PRKCH: variants seen among roughly 807,000 people sequenced by gnomAD.
The protein encoded by PRKCH is protein kinase C eta.
Under a neutral mutation model 82.5 loss-of-function variants are expected in PRKCH, and 28 were observed. The observed-to-expected ratio is 0.34, with a 90% confidence interval of 0.25 to 0.47. The LOEUF (loss-of-function observed/expected upper bound fraction) is 0.47, where lower values mean the gene tolerates loss of function less well. Ranked by LOEUF, PRKCH falls within the 20% of genes least tolerant of loss-of-function variation. The pLI is 1.00. For synonymous variants in PRKCH, 322 were observed against 327.4 expected, an observed-to-expected ratio of 0.98 and a Z score of 0.18; for missense variants, 705 against 881.8, an observed-to-expected ratio of 0.80 and a Z score of 2.54.
At chr14:61,490,176 G>A (rs55719604) in intron 10 of PRKCH, among the ~76,000 whole-genome samples, 1,945 of 152,104 alleles carry the variant, frequency 0.013, 46 homozygotes, top group African/African-American at 0.045. Flanking sequence ...GTGGTATTTC[G>A]CCATCCCATT....
chr14:61,395,490 CA>C, intron 2 of PRKCH, among the ~76,000 whole-genome samples: 1 of 152,246 alleles, frequency 6.6e-6, no homozygotes, highest in East Asian at 1.9e-4. Flanking sequence ...AGTGTAAGGT[CA>C]GGCCTGCCCA....
At chr14:61,330,706 C>A (rs1241977594) in intron 1 of PRKCH, among the ~76,000 whole-genome samples, 1 of 152,118 alleles carries the variant, frequency 6.6e-6, no homozygotes, top group Non-Finnish European at 1.5e-5. Flanking sequence ...TTGCCACAGA[C>A]CCCTCCACTC....
chr14:61,289,612 TG>T (rs1316767826), intron 1 of PRKCH, among the ~76,000 whole-genome samples: 1 of 151,986 alleles, frequency 6.6e-6, no homozygotes, highest in Non-Finnish European at 1.5e-5. Flanking sequence ...GAGGCTGAGG[TG>T]GGAGGATCAC....
chr14:61,270,925 G>T (rs958808936), intron 1 of PRKCH, among the ~76,000 whole-genome samples: 2 of 152,190 alleles, frequency 1.3e-5, no homozygotes. Flanking sequence ...CGTGAGCTGT[G>T]ATTGCATCAC....
chr14:61,254,629 C>A lies in PRKCH; in HGVS notation c.-19+66961C>A, dbSNP rs530283469. 4.0e-5 allele frequency among the ~76,000 whole-genome samples: 6 copies of A among 151,878 alleles called. No individual in the cohort carries two copies. In the East Asian group the frequency reaches 1.2e-3, roughly 30 times the overall value. ...GTTTAAAAAACAAAACAAAATAAAACAAAACAAACAAACAAACATAAAAAC... is the reference window on the plus strand; with the variant it reads ...GTTTAAAAAACAAAACAAAATAAAAAAAAACAAACAAACAAACATAAAAAC... On this transcript the variant is annotated intron_variant, in intron 1 of 3. Transcript: ENST00000555185.
At chr14:61,474,687 C>T (rs575065250) in intron 9 of PRKCH, among the ~76,000 whole-genome samples, 41 of 152,266 alleles carry the variant, frequency 2.7e-4, no homozygotes, top group African/African-American at 9.6e-4. Context: ...CACATGTACC[C>T]TAGAACTTAA....
At chr14:61,383,514 A>C (rs963505733) in intron 1 of PRKCH, among the ~76,000 whole-genome samples, 1 of 152,030 alleles carries the variant, frequency 6.6e-6, no homozygotes, top group African/African-American at 2.4e-5. Flanking sequence ...TTGAGACCGG[A>C]GGGATCAATG....
At chr14:61,309,446 A>G (rs2045505614) in intron 1 of PRKCH, among the ~76,000 whole-genome samples, 3 of 152,204 alleles carry the variant, frequency 2.0e-5, no homozygotes, top group Non-Finnish European at 1.5e-5. Context: ...GAGCAGCAGG[A>G]TGAGGCAGAG....
intron 1 of PRKCH, among the ~76,000 whole-genome samples, chr14:61,195,415 C>T (rs1204994528): frequency 6.6e-6 from 1 of 152,132 alleles, no homozygotes; most frequent in Non-Finnish European, 1.5e-5. Flanking sequence ...AACTGAAGAC[C>T]TATCACATGT....
intron 1 of PRKCH, among the ~76,000 whole-genome samples, chr14:61,387,414 T>C (rs1404568817): frequency 2.0e-5 from 3 of 152,214 alleles, no homozygotes; most frequent in Non-Finnish European, 4.4e-5. Flanking sequence ...TCAAGTGTTA[T>C]TCCCAGAAGC....
At chr14:61,501,798 G>T (rs1886920940) in intron 10 of PRKCH, among the ~76,000 whole-genome samples, 1 of 152,116 alleles carries the variant, frequency 6.6e-6, no homozygotes, top group Non-Finnish European at 1.5e-5. Flanking sequence ...GTTCTAAAAT[G>T]ATTACAGTGA....
At chr14:61,542,688 C>T (rs2140034183) in intron 12 of PRKCH, among the ~76,000 whole-genome samples, 1 of 152,176 alleles carries the variant, frequency 6.6e-6, no homozygotes, top group East Asian at 1.9e-4. Flanking sequence ...AGAGTGTAGT[C>T]TCTCAGCAGC....
intron 1 of PRKCH, among the ~76,000 whole-genome samples, chr14:61,272,730 A>G (rs1312978747): frequency 6.6e-6 from 1 of 152,194 alleles, no homozygotes; most frequent in Non-Finnish European, 1.5e-5. Flanking sequence ...GAGTATCTAC[A>G]AAAACACTTG....
intron 1 of PRKCH, among the ~76,000 whole-genome samples, chr14:61,263,238 CT>C (rs1246806763): frequency 1.3e-5 from 2 of 152,078 alleles, no homozygotes; most frequent in African/African-American, 4.8e-5. Flanking sequence ...CATTCTTTTT[CT>C]TTTTTGCACA....
At chr14:61,339,740 G>A (rs972613651) in intron 1 of PRKCH, among the ~76,000 whole-genome samples, 1 of 145,232 alleles carries the variant, frequency 6.9e-6, no homozygotes, top group South Asian at 2.3e-4. Context: ...AGAGTGCAGT[G>A]GCGCAATCTC....
At chr14:61,382,679 G>A (rs2046529910) in intron 1 of PRKCH, among the ~76,000 whole-genome samples, 1 of 152,140 alleles carries the variant, frequency 6.6e-6, no homozygotes, top group Admixed American at 6.6e-5. Flanking sequence ...TTTGAATTTT[G>A]TCAACTTCTC....
intron 1 of PRKCH, among the ~76,000 whole-genome samples, chr14:61,264,970 A>G (rs1193678348): frequency 2.0e-5 from 3 of 152,164 alleles, no homozygotes; most frequent in Admixed American, 2.0e-4. Context: ...GAAGATGTTT[A>G]AGATCACTAG....
chr14:61,526,374 G>T (rs2042966727), intron 10 of PRKCH, among the ~76,000 whole-genome samples: 1 of 152,218 alleles, frequency 6.6e-6, no homozygotes, highest in African/African-American at 2.4e-5. Context: ...CGGGGAGGCT[G>T]CTACTAAGAG....
At chr14:61,363,861 C>T (rs1369935015) in intron 1 of PRKCH, among the ~76,000 whole-genome samples, 1 of 151,362 alleles carries the variant, frequency 6.6e-6, no homozygotes, top group African/African-American at 2.4e-5. Context: ...GAGGTAGAAT[C>T]TGTGGTGTCA....
Sources: gnomAD v4.1 joint callset for allele counts (sites outside exome capture counted in the v4.1 genomes callset) on GRCh38, gnomAD v4.1.1 for gene constraint, MANE v1.5 for transcripts, NCBI Gene and HGNC (gene_info 2026-07-23, HGNC 2026-07-21) for gene names.